Variants in ELAVL2 observed in about 807,000 individuals in gnomAD.
ELAVL2 encodes the protein ELAV-like protein 2.
ELAVL2 carries 4 observed loss-of-function variants against 34.6 expected under a neutral mutation model. That is an observed-to-expected ratio of 0.12 (90% CI 0.06 to 0.26). The LOEUF (loss-of-function observed/expected upper bound fraction) is 0.26, where lower values mean the gene tolerates loss of function less well. Among genes scored for constraint, ELAVL2 ranks in the 10% least tolerant of loss-of-function variants. The pLI is 1.00. For synonymous variants in ELAVL2, 193 were observed against 154.8 expected (o/e 1.25, Z -1.83); for missense variants, 432 against 442.8 (o/e 0.98, Z 0.22).
intron 2 of ELAVL2, among the ~76,000 whole-genome samples, chr9:23,743,757 A>G (rs898622619): frequency 1.1e-4 from 17 of 152,212 alleles, no homozygotes; most frequent in African/African-American, 4.1e-4. Context: ...AAAAAATCTT[A>G]TTCAACAACA....
intron 1 of ELAVL2, 32 bp from the exon 2 acceptor site, chr9:23,762,281 T>A (rs775012815): frequency 4.4e-6 from 7 of 1,608,706 alleles, no homozygotes; most frequent in Non-Finnish European, 5.9e-6. Context: ...AATGTCAGAA[T>A]TCATATTTCA....
chr9:23,748,617 G>A (rs1157819315), intron 2 of ELAVL2, among the ~76,000 whole-genome samples: 1 of 152,052 alleles, frequency 6.6e-6, no homozygotes, highest in Non-Finnish European at 1.5e-5. Context: ...CTGCAAAGGG[G>A]GTAAGATGAA....
chr9:23,821,397 C>G (rs1394988130), intron 1 of ELAVL2: 3 of 152,118 alleles, frequency 2.0e-5, no homozygotes, highest in Non-Finnish European at 4.4e-5. Flanking sequence ...TCTCTCTACT[C>G]CCGCCGCAAC....
chr9:23,754,195 A>G (rs1254621298), intron 2 of ELAVL2, among the ~76,000 whole-genome samples: 6 of 152,280 alleles, frequency 3.9e-5, no homozygotes, highest in African/African-American at 7.2e-5. Flanking sequence ...ACAAATATCA[A>G]TATCAGGAAA....
At chr9:23,693,272 G>A (rs1053540368) in intron 6 of ELAVL2, among the ~76,000 whole-genome samples, 176 bp downstream of exon 6, 3 of 152,124 alleles carry the variant, frequency 2.0e-5, no homozygotes, top group African/African-American at 4.8e-5. Context: ...GGTGGCATCC[G>A]GTGGTATAAA....
intron 2 of ELAVL2, among the ~76,000 whole-genome samples, chr9:23,759,864 C>T (rs769926966): frequency 2.0e-5 from 3 of 148,076 alleles, no homozygotes. Flanking sequence ...CTTGGGGACT[C>T]TACTTGCTTA....
intron 3 of ELAVL2, among the ~76,000 whole-genome samples, chr9:23,728,638 A>C (rs1212172502): frequency 6.6e-6 from 1 of 152,102 alleles, no homozygotes; most frequent in East Asian, 1.9e-4. Context: ...TTATTTATGG[A>C]ATAGTATCCC....
At position 23,808,625 on chromosome 9, in the gene ELAVL2, G is replaced by C. The variant is rs1007650041; in HGVS notation, c.-16+17181C>G. On this transcript the variant is annotated intron_variant, in intron 1 of 6. Coordinates refer to ENST00000397312, the MANE Select transcript of ELAVL2 (RefSeq NM_004432.5). ...AAATGTTAAATGCTAGGAAAAGAGA[G>C]ATAAGTTTAAAGTTTTAAAGTGGCT... Among the ~76,000 whole-genome samples, 5 of 152,262 alleles carry C rather than the reference G, an allele frequency of 3.3e-5. No homozygotes were observed. The Middle Eastern group carries it at 0.01, about 311-fold the overall frequency.
At chr9:23,836,048 T>C in the ELAVL2 span, among the ~76,000 whole-genome samples, 1 of 152,176 alleles carries the variant, frequency 6.6e-6, no homozygotes. Flanking sequence ...CTGCTGTTTA[T>C]TGCCATTTCA....
chr9:23,691,253 G>C lies in ELAVL2; in HGVS notation c.*1304C>G, dbSNP rs2033081360. On this transcript the variant is annotated 3_prime_UTR_variant, in exon 7 of 7. Transcript: ENST00000397312. ...AACCTGAACATCACTTGGCATGTAA[G>C]GGAAAAAAAATTAAATTAGCTGAAA... The C allele has an allele frequency of 6.6e-6, 1 of 152,492 alleles. No homozygotes were observed. The highest frequency in any genetic ancestry group is 2.4e-5 in the African/African-American group (1 of 41,412). The allele number at this position is 152,492 out of a possible 1,614,324, so 9.4% of individuals were successfully genotyped here.
intron 3 of ELAVL2, among the ~76,000 whole-genome samples, chr9:23,720,067 T>G (rs532825840): frequency 6.6e-6 from 1 of 152,174 alleles, no homozygotes; most frequent in African/African-American, 2.4e-5. Context: ...CCTCAGGTGA[T>G]CCACCCGCCT....
chr9:23,720,858 A>C (rs753755106), intron 3 of ELAVL2, among the ~76,000 whole-genome samples: 7 of 152,202 alleles, frequency 4.6e-5, no homozygotes, highest in South Asian at 4.1e-4. Context: ...GGCTGTTGAA[A>C]TACAATTTCC....
chr9:23,774,063 T>G (rs2057770710), intron 1 of ELAVL2, among the ~76,000 whole-genome samples: 1 of 151,330 alleles, frequency 6.6e-6, no homozygotes, highest in African/African-American at 2.4e-5. Context: ...TACAAAAAAT[T>G]AGCCGGACTT....
At chr9:23,793,026 G>A (rs562122387) in intron 1 of ELAVL2, among the ~76,000 whole-genome samples, 10 of 152,004 alleles carry the variant, frequency 6.6e-5, no homozygotes, top group South Asian at 2.1e-4. Flanking sequence ...ATCCCTCCCC[G>A]CAAGGCCTCC....
chr9:23,762,849 G>C (rs1338897761), intron 1 of ELAVL2, among the ~76,000 whole-genome samples: 1 of 151,946 alleles, frequency 6.6e-6, no homozygotes, highest in Non-Finnish European at 1.5e-5. Context: ...CCATTGGTAA[G>C]AAAAAAACAG....
intron 3 of ELAVL2, among the ~76,000 whole-genome samples, chr9:23,717,887 C>T (rs2042717777): frequency 1.3e-5 from 2 of 152,110 alleles, no homozygotes; most frequent in Non-Finnish European, 2.9e-5. Context: ...ACAGATACTC[C>T]CTGTCCAACA....
At chr9:23,693,578 A>T in intron 5 of ELAVL2, 92 bp from the exon 6 acceptor site, 1 of 1,421,732 alleles carries the variant, frequency 7.0e-7, no homozygotes. Flanking sequence ...TTCCGAGGGG[A>T]TATCTGTACA....
intron 1 of ELAVL2, among the ~76,000 whole-genome samples, chr9:23,804,173 A>ATT (rs200046594): frequency 2.0e-5 from 3 of 148,456 alleles, no homozygotes. Context: ...TTATTTATTT[A>ATT]TTTATTTATT....
At chr9:23,765,372 C>CCACA (rs2056002614) in intron 1 of ELAVL2, among the ~76,000 whole-genome samples, 1 of 152,044 alleles carries the variant, frequency 6.6e-6, no homozygotes, top group African/African-American at 2.4e-5. Flanking sequence ...CTAATGTAAA[C>CCACA]CACACCTCAA....
Sources: gnomAD v4.1 joint callset for allele counts (sites outside exome capture counted in the v4.1 genomes callset) on GRCh38, gnomAD v4.1.1 for gene constraint, MANE v1.5 for transcripts, NCBI Gene and HGNC (gene_info 2026-07-23, HGNC 2026-07-21) for gene names.